Variants in AASDH observed in about 807,000 individuals in gnomAD.
AASDH encodes the protein beta-alanine-activating enzyme.
Under a neutral mutation model 102.3 loss-of-function variants are expected in AASDH, and 81 were observed. The ratio of observed to expected loss-of-function variants is 0.79; its 90% confidence interval spans 0.66 to 0.95. The LOEUF (loss-of-function observed/expected upper bound fraction) is 0.95, where lower values mean the gene tolerates loss of function less well. Among genes scored for constraint, AASDH ranks in the 40% least tolerant of loss-of-function variants. The pLI, the probability that AASDH is intolerant of heterozygous loss-of-function variation, is 0.00. For synonymous variants in AASDH, 398 were observed against 454.0 expected (o/e 0.88, Z 1.57); for missense variants, 1,203 against 1,266.2 (o/e 0.95, Z 0.76).
intron 5 of AASDH, among the ~76,000 whole-genome samples, chr4:56,360,155 C>A (rs1039178021): frequency 2.6e-5 from 4 of 152,114 alleles, no homozygotes; most frequent in Non-Finnish European, 5.9e-5. Flanking sequence ...AAGCCTGATC[C>A]ATCTTTTATT....
At chr4:56,364,531 T>G (rs1750742708) in intron 5 of AASDH, among the ~76,000 whole-genome samples, 1 of 152,148 alleles carries the variant, frequency 6.6e-6, no homozygotes. Context: ...CGGCAGAAAC[T>G]CTACAAGCCA....
chr4:56,371,503 G>A lies in AASDH; in HGVS notation c.809C>T (p.Pro270Leu), dbSNP rs368057649. Reference protein sequence around the residue: ...LIVPTSVKLLPSKLASVLFSH... With the variant: ...LIVPTSVKLLLSKLASVLFSH... ...AAAGAGAACGCTGGCTAATTTTGAT[G>A]GGAGCAACTTGACGGAAGTTGGTAC... Residue 270 changes from proline to leucine, a missense_variant, in exon 5 of 15, where the codon CCA becomes CTA. Physicochemically the swap from Pro to Leu is moderately conservative, Grantham distance 98 (BLOSUM62 -3). Coordinates refer to ENST00000205214, the MANE Select transcript of AASDH (RefSeq NM_181806.4). The A allele has an allele frequency of 6.2e-7, 1 of 1,613,072 alleles. No individual in the cohort carries two copies. Among genetic ancestry groups the A allele is most frequent in the African/African-American group, 1.3e-5 (1 of 75,018 alleles).
intron 11 of AASDH, among the ~76,000 whole-genome samples, chr4:56,345,757 G>T (rs1380099517): frequency 6.6e-6 from 1 of 152,200 alleles, no homozygotes; most frequent in Non-Finnish European, 1.5e-5. Flanking sequence ...TGCATAGAAG[G>T]TGTTTAAGAA....
chr4:56,370,494 A>G (rs2109967656), intron 5 of AASDH, among the ~76,000 whole-genome samples: 1 of 152,332 alleles, frequency 6.6e-6, no homozygotes, highest in East Asian at 1.9e-4. Flanking sequence ...TGAAGTGATT[A>G]GGTCATGCAG....
chr4:56,348,703 C>T (rs1748613978), intron 11 of AASDH, among the ~76,000 whole-genome samples: 1 of 152,180 alleles, frequency 6.6e-6, no homozygotes, highest in Non-Finnish European at 1.5e-5. Flanking sequence ...TAAGGGCAGT[C>T]AAGCAGCCTA....
intron 14 of AASDH, among the ~76,000 whole-genome samples, chr4:56,341,387 A>ATTTTTTTTTTTTTTT (rs1560561026): frequency 2.4e-5 from 2 of 82,818 alleles, no homozygotes; most frequent in African/African-American, 8.4e-5. Flanking sequence ...GGAGACTTTT[A>ATTTTTTTTTTTTTTT]TCTTTTTTTT....
intron 8 of AASDH, 109 bp from the exon 9 acceptor site, chr4:56,353,705 A>C: frequency 2.0e-6 from 2 of 1,023,546 alleles, no homozygotes; most frequent in South Asian, 1.8e-5. Context: ...AAATTTTGGA[A>C]TATACTGGAG....
intron 5 of AASDH, among the ~76,000 whole-genome samples, chr4:56,364,304 A>T (rs1384063684): frequency 6.6e-6 from 1 of 152,236 alleles, no homozygotes; most frequent in Non-Finnish European, 1.5e-5. Context: ...GCAGGATATT[A>T]TCAAGGAGAA....
Position 56,353,545 on chromosome 4 carries a change from G to A in AASDH, c.1435C>T (p.Gln479Ter), listed in dbSNP as rs1463772108. 15 of 1,613,224 alleles carry A rather than the reference G, an allele frequency of 9.3e-6. No homozygotes were observed. The highest frequency in any genetic ancestry group is 1.3e-5 in the Non-Finnish European group (15 of 1,179,952). ...VESCAVTWYNQEKLILFMVSK... is the reference protein window; with the variant it reads ...VESCAVTWYN ...ACCATGAAGAGAATTAATTTTTCCT[G>A]ATTATACCATGTAACTGCACAAGAC... Residue 479 changes from glutamine to a stop codon, truncating the protein, a stop_gained, in exon 9 of 15, where the codon CAG becomes TAG. Transcript: ENST00000205214. LOFTEE classifies it high-confidence loss of function.
intron 6 of AASDH, 86 bp downstream of exon 6, chr4:56,355,096 C>T: frequency 3.5e-6 from 5 of 1,443,298 alleles, no homozygotes; most frequent in Non-Finnish European, 4.7e-6. Flanking sequence ...AATTATTACC[C>T]CAGCACCTAT....
chr4:56,386,822 A>AAAAAAT (rs58244004), intron 1 of AASDH, among the ~76,000 whole-genome samples: 3 of 145,036 alleles, frequency 2.1e-5, no homozygotes, highest in African/African-American at 7.6e-5. Context: ...AAAAAAAAAA[A>AAAAAAT]GGAAAAAAAA....
chr4:56,338,632 T>C lies in AASDH; in HGVS notation c.3067A>G (p.Thr1023Ala), dbSNP rs757161460. ...KFETTSRVYA[T>A]PFAFHNYNGS... ...TTGTAGTTATGGAAAGCAAACGGTG[T>C]TGCATAGACCCTTGAAGTAGTTTCA... The change falls in exon 15 of 15, where the codon ACA becomes GCA. Residue 1023 changes from threonine (T) to alanine (A), a missense_variant. Thr to Ala is a moderately conservative substitution (Grantham distance 58, BLOSUM62 0). Coordinates refer to ENST00000205214, the MANE Select transcript of AASDH (RefSeq NM_181806.4). The C allele has an allele frequency of 1.3e-4, 202 of 1,614,070 alleles. No homozygotes were observed. Among genetic ancestry groups the C allele is most frequent in the Non-Finnish European group, 1.7e-4 (196 of 1,180,034 alleles).
Position 56,345,141 on chromosome 4 carries a change from C to T in AASDH, c.2638G>A (p.Ala880Thr), listed in dbSNP as rs1290015648. The T allele has an allele frequency of 1.9e-6, 3 of 1,613,972 alleles. No individual in the cohort carries two copies. Among genetic ancestry groups the T allele is most frequent in the South Asian group, 2.2e-5 (2 of 91,066 alleles). The change falls in exon 12 of 15, where the codon GCT (alanine) becomes ACT (threonine). Residue 880 changes from alanine (A) to threonine (T), a missense_variant. Transcript: ENST00000205214. ...TCAATCCTTACATAAATATCTAAAG[C>T]ATATGCGTGCTGGTCATGAGATCCA... is the stretch of plus-strand genomic sequence containing the variant. ...YIGSHDQHAYALDIYRKKCVW... is the reference protein window; with the variant it reads ...YIGSHDQHAYTLDIYRKKCVW...
Position 56,378,196 on chromosome 4 carries a change from A to G in AASDH, c.620T>C (p.Ile207Thr), listed in dbSNP as rs146378657. ...TATACACTTATGAGGCACTCTGACA[A>G]TCTTCGGTATCCCTGTAGTCCCTGA... ...HTSGTTGIPK[I>T]VRVPHKCIVP... is the part of the protein sequence containing the mutation. The change falls in exon 4 of 15, where the codon ATT becomes ACT. Residue 207 changes from isoleucine (I) to threonine (T), a missense_variant. Physicochemically the swap from Ile to Thr is moderately conservative, Grantham distance 89. Transcript: ENST00000205214. 12 of 1,613,232 alleles carry G rather than the reference A, an allele frequency of 7.4e-6. No individual in the cohort carries two copies. In the African/African-American group the frequency reaches 1.5e-4, roughly 20 times the overall value.
intron 5 of AASDH, among the ~76,000 whole-genome samples, chr4:56,362,253 C>CTTTT (rs879849570): frequency 6.6e-6 from 1 of 150,966 alleles, no homozygotes; most frequent in Non-Finnish European, 1.5e-5. Flanking sequence ...GTTTTGACAG[C>CTTTT]TTTTTTTTTC....
chr4:56,350,914 C>A (rs1299682751), intron 10 of AASDH, among the ~76,000 whole-genome samples: 4 of 152,068 alleles, frequency 2.6e-5, no homozygotes. Flanking sequence ...TTTAAACAAA[C>A]TCTCTCAAGT....
chr4:56,375,782 T>C (rs556810168), intron 4 of AASDH, among the ~76,000 whole-genome samples: 5 of 152,238 alleles, frequency 3.3e-5, no homozygotes, highest in African/African-American at 1.2e-4. Context: ...AGTTAAAACC[T>C]ACTGGCTTCC....
In AASDH at chr4:56,354,125, T is replaced by C. The variant is rs1315227725; in HGVS notation, c.1297A>G (p.Lys433Glu). Residue 433 changes from lysine (K) to glutamate (E), a missense_variant, in exon 8 of 15, where the codon AAA becomes GAA. Lys to Glu is a moderately conservative substitution (Grantham distance 56). Transcript: ENST00000205214. ...CCCAAAAAAAAAATCTCTCCATCTT[T>C]CACAGTCACAAAGTCTCCTGTAGCT... Reference protein sequence around the residue: ...MRATGDFVTVKDGEIFFLGRK... With the variant: ...MRATGDFVTVEDGEIFFLGRK... The C allele has an allele frequency of 1.2e-6, 2 of 1,613,474 alleles. No individual in the cohort carries two copies. Among genetic ancestry groups the C allele is most frequent in the South Asian group, 2.2e-5 (2 of 90,990 alleles).
intron 11 of AASDH, among the ~76,000 whole-genome samples, chr4:56,348,258 CT>C (rs60619979): frequency 1.1e-3 from 159 of 145,424 alleles, no homozygotes; most frequent in Admixed American, 2.2e-3. Context: ...GAGTTATGCA[CT>C]TTTTTTTTTT....
Sources: gnomAD v4.1 joint callset for allele counts (sites outside exome capture counted in the v4.1 genomes callset) on GRCh38, gnomAD v4.1.1 for gene constraint, MANE v1.5 for transcripts, NCBI Gene and HGNC (gene_info 2026-07-23, HGNC 2026-07-21) for gene names.